Variants in EDIL3 observed in about 807,000 individuals in gnomAD.
The protein encoded by EDIL3 is EGF-like repeat and discoidin I-like domain-containing protein 3.
A neutral mutation model predicts 67.4 loss-of-function variants in EDIL3; 37 were observed. That is an observed-to-expected ratio of 0.55 (90% CI 0.42 to 0.72). The LOEUF (loss-of-function observed/expected upper bound fraction) is 0.72, where lower values mean the gene tolerates loss of function less well. Ranked by LOEUF, EDIL3 falls within the 30% of genes least tolerant of loss-of-function variation. The pLI is 0.00. For missense variants in EDIL3, 527 were observed against 586.3 expected (o/e 0.90, Z 1.04); for synonymous variants, 195 against 196.3 (o/e 0.99, Z 0.05).
rs534264028 is a variant in EDIL3, at chr5:84,228,642, A to C, written c.226+1213T>G. On this transcript the variant is annotated intron_variant, in intron 3 of 10. Coordinates refer to ENST00000296591, the MANE Select transcript of EDIL3 (RefSeq NM_005711.5). ...TGATTCCATTTCAAAGGCAGTTTATAGTTATAATGAGTATCATGCAACATG... is the reference window on the plus strand; with the variant it reads ...TGATTCCATTTCAAAGGCAGTTTATCGTTATAATGAGTATCATGCAACATG... 3.3e-5 allele frequency among the ~76,000 whole-genome samples: 5 copies of C among 152,314 alleles called. No individual in the cohort carries two copies. The East Asian group carries it at 9.6e-4, about 29-fold the overall frequency.
At chr5:84,191,572 T>C (rs1743586569) in intron 3 of EDIL3, among the ~76,000 whole-genome samples, 1 of 152,024 alleles carries the variant, frequency 6.6e-6, no homozygotes, top group Non-Finnish European at 1.5e-5. Context: ...CTTCACCTAC[T>C]GTGATAATTT....
intron 6 of EDIL3, among the ~76,000 whole-genome samples, chr5:84,093,088 T>A (rs1315899077): frequency 1.3e-5 from 2 of 152,112 alleles, no homozygotes; most frequent in African/African-American, 4.8e-5. Context: ...AAAATGTGAA[T>A]CTATAACAGC....
intron 2 of EDIL3, among the ~76,000 whole-genome samples, chr5:84,231,801 T>C (rs969462431): frequency 6.6e-6 from 1 of 152,178 alleles, no homozygotes; most frequent in African/African-American, 2.4e-5. Flanking sequence ...CTTCCAGGAA[T>C]TCCCTTTTAG....
At chr5:84,326,083 G>A (rs1315756171) in intron 1 of EDIL3, among the ~76,000 whole-genome samples, 1 of 152,008 alleles carries the variant, frequency 6.6e-6, no homozygotes, top group Non-Finnish European at 1.5e-5. Flanking sequence ...TCATGGAATT[G>A]AGTTAGTTAT....
At position 84,108,811 on chromosome 5, in the gene EDIL3, G is replaced by A. The variant is rs147836524; in HGVS notation, c.470-1981C>T. On this transcript the variant is annotated intron_variant, in intron 5 of 10. Coordinates refer to ENST00000296591, the MANE Select transcript of EDIL3 (RefSeq NM_005711.5). ...GAAACAGGCAGGGAGATCTTTTATT[G>A]CAGGCCATTTATTGTAGGCCAGTAA... Among the ~76,000 whole-genome samples, 295 of 152,246 alleles carry A rather than the reference G, an allele frequency of 1.9e-3. 1 individual carries two copies. Among genetic ancestry groups the A allele is most frequent in the African/African-American group, 6.7e-3 (280 of 41,548 alleles).
intron 10 of EDIL3, among the ~76,000 whole-genome samples, chr5:83,944,178 A>G (rs998586747): frequency 6.6e-6 from 1 of 150,730 alleles, no homozygotes; most frequent in Non-Finnish European, 1.5e-5. Context: ...CCTCTATCAC[A>G]GTGCCTTTTG....
At chr5:84,004,865 G>A (rs1374074900) in intron 9 of EDIL3, among the ~76,000 whole-genome samples, 2 of 151,798 alleles carry the variant, frequency 1.3e-5, no homozygotes, top group African/African-American at 2.4e-5. Flanking sequence ...GTAGAGATGA[G>A]AGAAACCATA....
chr5:84,277,862 T>C (rs1256696295), intron 1 of EDIL3, among the ~76,000 whole-genome samples: 3 of 152,126 alleles, frequency 2.0e-5, no homozygotes, highest in African/African-American at 7.2e-5. Context: ...TTAATACGCA[T>C]GATAATGTAA....
chr5:84,105,216 C>T (rs76232254), intron 6 of EDIL3, among the ~76,000 whole-genome samples: 31 of 152,182 alleles, frequency 2.0e-4, no homozygotes, highest in African/African-American at 7.2e-4. Context: ...GCCATTTCCA[C>T]TATCTGGAGT....
chr5:84,172,139 GA>G lies in EDIL3; in HGVS notation c.355+8253del, dbSNP rs563105600. Among the ~76,000 whole-genome samples the G allele has an allele frequency of 2.8e-4, 42 of 152,274 alleles. No individual in the cohort carries two copies. The East Asian group carries it at 7.9e-3, about 29-fold the overall frequency. On this transcript the variant is annotated intron_variant, in intron 4 of 10. Coordinates refer to ENST00000296591, the MANE Select transcript of EDIL3 (RefSeq NM_005711.5). Reference sequence around the variant, plus strand: ...GACCGGCAAAGCCATTGGAAAGCAGGAAAATTTCTCGATTCTAGTCTGAAAA... The same window carrying G: ...GACCGGCAAAGCCATTGGAAAGCAGGAAATTTCTCGATTCTAGTCTGAAAA...
At chr5:84,328,973 C>T (rs1746819887) in intron 1 of EDIL3, among the ~76,000 whole-genome samples, 1 of 152,042 alleles carries the variant, frequency 6.6e-6, no homozygotes, top group Non-Finnish European at 1.5e-5. Context: ...ATCAGTCTTA[C>T]CAAGGCTGAA....
At position 84,269,716 on chromosome 5, in the gene EDIL3, G is replaced by C. The variant is rs73142663; in HGVS notation, c.68-15504C>G. On this transcript the variant is annotated intron_variant, in intron 1 of 10. Transcript: ENST00000296591. Reference sequence around the variant, plus strand: ...AGATACAGAAATCTGGGGGCTCTTAGAGCTTTATTCTGGACATTATCCCCA... The same window carrying C: ...AGATACAGAAATCTGGGGGCTCTTACAGCTTTATTCTGGACATTATCCCCA... Among the ~76,000 whole-genome samples the C allele has an allele frequency of 3.1e-3, 473 of 152,208 alleles. 1 individual carries two copies. The highest frequency in any genetic ancestry group is 0.011 in the African/African-American group (457 of 41,548).
At chr5:84,082,021 G>A (rs757455442) in intron 6 of EDIL3, among the ~76,000 whole-genome samples, 27 of 152,308 alleles carry the variant, frequency 1.8e-4, no homozygotes, top group African/African-American at 3.1e-4. Flanking sequence ...TGTCCTAACC[G>A]AAAACAGAAT....
intron 4 of EDIL3, among the ~76,000 whole-genome samples, chr5:84,164,160 A>G (rs887814085): frequency 6.6e-6 from 1 of 152,120 alleles, no homozygotes; most frequent in Non-Finnish European, 1.5e-5. Context: ...AACGGTTTGC[A>G]GTAAAATCCC....
chr5:84,167,080 T>A (rs572002220), intron 4 of EDIL3, among the ~76,000 whole-genome samples: 52 of 152,266 alleles, frequency 3.4e-4, no homozygotes, highest in African/African-American at 1.2e-3. Context: ...AGAAATGACT[T>A]ATTACTACGT....
At chr5:84,207,146 C>T (rs1032469686) in intron 3 of EDIL3, among the ~76,000 whole-genome samples, 7 of 152,130 alleles carry the variant, frequency 4.6e-5, no homozygotes, top group African/African-American at 1.7e-4. Flanking sequence ...TCCAGAAAAC[C>T]CCACTGTCTC....
intron 2 of EDIL3, among the ~76,000 whole-genome samples, chr5:84,230,319 G>A (rs1012227004): frequency 6.6e-6 from 1 of 152,034 alleles, no homozygotes; most frequent in Non-Finnish European, 1.5e-5. Context: ...AAAAGTCATG[G>A]CTGATGGTCA....
intron 1 of EDIL3, among the ~76,000 whole-genome samples, chr5:84,256,950 A>G (rs550620994): frequency 1.2e-4 from 18 of 152,344 alleles, no homozygotes; most frequent in South Asian, 6.2e-4. Flanking sequence ...AAGTTCCCCC[A>G]AATCAAGACC....
intron 5 of EDIL3, among the ~76,000 whole-genome samples, chr5:84,117,729 T>TC (rs1747696961): frequency 6.6e-6 from 1 of 152,038 alleles, no homozygotes; most frequent in Admixed American, 6.5e-5. Context: ...ACTTTTTTTT[T>TC]CATTTTGGCT....
Sources: gnomAD v4.1 joint callset for allele counts (sites outside exome capture counted in the v4.1 genomes callset) on GRCh38, gnomAD v4.1.1 for gene constraint, MANE v1.5 for transcripts, NCBI Gene and HGNC (gene_info 2026-07-23, HGNC 2026-07-21) for gene names.